The following MOB3B variants were observed in gnomAD, a reference collection of about 807,000 sequenced individuals.
The protein encoded by MOB3B is MOB kinase activator 3B, also known as MOB kinase activator-like 2B.
In MOB3B, 7 loss-of-function variants were observed where a neutral mutation model predicts 18.7. The ratio of observed to expected loss-of-function variants is 0.37; its 90% confidence interval spans 0.21 to 0.70. The LOEUF (loss-of-function observed/expected upper bound fraction) is 0.70. Among genes scored for constraint, MOB3B ranks in the 30% least tolerant of loss-of-function variants. The probability of loss-of-function intolerance (pLI) is 0.52; values close to 1 mark genes in which losing one functional copy is unlikely to be tolerated. For missense variants in MOB3B, 253 were observed against 281.3 expected, an observed-to-expected ratio of 0.90 and a Z score of 0.72; for synonymous variants, 111 against 99.9, an observed-to-expected ratio of 1.11 and a Z score of -0.66.
intron 2 of MOB3B, among the ~76,000 whole-genome samples, chr9:27,420,548 C>CATATATATATACAT (rs1822229302): frequency 3.2e-5 from 1 of 31,080 alleles, no homozygotes; most frequent in African/African-American, 1.6e-4. Flanking sequence ...CTGTATATTC[C>CATATATATATACAT]ATATATATAT....
chr9:27,465,437 T>G (rs12683787), intron 1 of MOB3B, among the ~76,000 whole-genome samples: 25,745 of 152,184 alleles, frequency 0.17, 3,032 homozygotes, highest in East Asian at 0.53. Flanking sequence ...CTGGCTGCTT[T>G]CATGGGCTGG....
chr9:27,436,220 A>C (rs1270676480), intron 2 of MOB3B, among the ~76,000 whole-genome samples: 1 of 152,174 alleles, frequency 6.6e-6, no homozygotes, highest in African/African-American at 2.4e-5. Flanking sequence ...TGTACTTTGT[A>C]TATTGGCACA....
chr9:27,529,657 G>A lies in MOB3B; in HGVS notation c.-301C>T. 1 of 985,444 alleles carries A rather than the reference G, an allele frequency of 1.0e-6. No individual in the cohort carries two copies. Among genetic ancestry groups the A allele is most frequent in the Non-Finnish European group, 1.2e-6 (1 of 829,936 alleles). The allele number at this position is 985,444 out of a possible 1,614,324, so 61.0% of individuals were successfully genotyped here. A position where few individuals can be genotyped will look rare whatever the true frequency, so the allele number is the denominator to read the frequency against. ...GTGAGCTCGGGGCAGGTGGGGCGTCGCTTGCCAATCCACGCAAGGGACTCT... is the reference window on the plus strand; with the variant it reads ...GTGAGCTCGGGGCAGGTGGGGCGTCACTTGCCAATCCACGCAAGGGACTCT... On this transcript the variant is annotated 5_prime_UTR_variant, in exon 1 of 4. The change creates a premature stop within an existing upstream ORF in the 5' untranslated region. Coordinates refer to ENST00000262244, the MANE Select transcript of MOB3B (RefSeq NM_024761.5).
intron 3 of MOB3B, among the ~76,000 whole-genome samples, chr9:27,356,423 G>A (rs986214225): frequency 1.3e-5 from 2 of 152,190 alleles, no homozygotes; most frequent in Non-Finnish European, 2.9e-5. Context: ...CTGTGACTCT[G>A]AGACTTCAAG....
chr9:27,388,959 G>A (rs1170055422), intron 2 of MOB3B, among the ~76,000 whole-genome samples: 1 of 152,190 alleles, frequency 6.6e-6, no homozygotes, highest in East Asian at 1.9e-4. Context: ...ACAACTTTCT[G>A]AATAGCCTCC....
At chr9:27,348,718 A>T (rs1266869323) in intron 3 of MOB3B, among the ~76,000 whole-genome samples, 1 of 152,118 alleles carries the variant, frequency 6.6e-6, no homozygotes, top group East Asian at 1.9e-4. Flanking sequence ...GGCTGGACTT[A>T]GTAACCTACT....
intron 2 of MOB3B, among the ~76,000 whole-genome samples, chr9:27,426,410 T>C (rs1348222677): frequency 6.6e-6 from 1 of 152,184 alleles, no homozygotes; most frequent in Non-Finnish European, 1.5e-5. Context: ...CTAGGGGACA[T>C]ACACTGTTTT....
chr9:27,422,779 T>A (rs573542646), intron 2 of MOB3B, among the ~76,000 whole-genome samples: 1 of 152,300 alleles, frequency 6.6e-6, no homozygotes, highest in Admixed American at 6.5e-5. Context: ...ACAGAAAAAA[T>A]TTATCAGGAG....
intron 1 of MOB3B, among the ~76,000 whole-genome samples, chr9:27,511,714 A>G (rs1416879013): frequency 1.3e-5 from 2 of 152,222 alleles, no homozygotes; most frequent in Non-Finnish European, 2.9e-5. Flanking sequence ...AAAGCTGCCT[A>G]TGGCTGACAA....
intron 3 of MOB3B, 93 bp downstream of exon 3, chr9:27,358,941 C>T: frequency 7.7e-7 from 1 of 1,296,272 alleles, no homozygotes; most frequent in Non-Finnish European, 1.1e-6. Context: ...AGCTAGCCAT[C>T]AATGAGCATT....
At chr9:27,394,864 G>C (rs1451786233) in intron 2 of MOB3B, among the ~76,000 whole-genome samples, 1 of 152,148 alleles carries the variant, frequency 6.6e-6, no homozygotes, top group Non-Finnish European at 1.5e-5. Flanking sequence ...TGGGAATATA[G>C]TTTGATGCCC....
intron 1 of MOB3B, among the ~76,000 whole-genome samples, chr9:27,496,083 A>C (rs1819893400): frequency 6.6e-6 from 1 of 152,224 alleles, no homozygotes; most frequent in South Asian, 2.1e-4. Flanking sequence ...TTCTGTAAGC[A>C]ATATCACTAA....
At chr9:27,447,079 C>T (rs765109013) in intron 2 of MOB3B, among the ~76,000 whole-genome samples, 2 of 152,124 alleles carry the variant, frequency 1.3e-5, no homozygotes, top group Non-Finnish European at 2.9e-5. Context: ...GTCCTTATGC[C>T]TACAAAGGTT....
At chr9:27,516,516 G>A (rs1820237038) in intron 1 of MOB3B, among the ~76,000 whole-genome samples, 1 of 152,148 alleles carries the variant, frequency 6.6e-6, no homozygotes, top group African/African-American at 2.4e-5. Context: ...GATCAACAAT[G>A]GCAAATAGAG....
intron 1 of MOB3B, among the ~76,000 whole-genome samples, chr9:27,474,496 G>A (rs942485348): frequency 1.3e-5 from 2 of 152,156 alleles, no homozygotes; most frequent in Non-Finnish European, 1.5e-5. Flanking sequence ...CACAAGTGAA[G>A]GCAATGACAT....
chr9:27,429,056 T>A (rs149904746), intron 2 of MOB3B, among the ~76,000 whole-genome samples: 7 of 152,208 alleles, frequency 4.6e-5, no homozygotes. Flanking sequence ...AATGGTTCAA[T>A]CTATATGTAA....
intron 2 of MOB3B, among the ~76,000 whole-genome samples, chr9:27,359,555 T>G (rs1821244289): frequency 1.3e-5 from 2 of 152,214 alleles, no homozygotes. Flanking sequence ...CTGCTGCATT[T>G]TTTAAACATT....
At chr9:27,449,494 A>G (rs1329083670) in intron 2 of MOB3B, among the ~76,000 whole-genome samples, 1 of 152,232 alleles carries the variant, frequency 6.6e-6, no homozygotes, top group Non-Finnish European at 1.5e-5. Flanking sequence ...AAACGAATGG[A>G]AACTTAGAGA....
chr9:27,350,914 T>C (rs1821095476), intron 3 of MOB3B, among the ~76,000 whole-genome samples: 1 of 151,624 alleles, frequency 6.6e-6, no homozygotes. Context: ...TTTTTTTTTT[T>C]TTTTTAAGAC....
Sources: allele counts gnomAD v4.1 joint callset (sites outside exome capture counted in the v4.1 genomes callset), GRCh38; gene constraint gnomAD v4.1.1; transcripts MANE v1.5; gene names NCBI Gene and HGNC (gene_info 2026-07-23, HGNC 2026-07-21).